Variants in PHKG2 observed in about 807,000 individuals in gnomAD.
The protein encoded by PHKG2 is phosphorylase b kinase gamma catalytic chain, liver/testis isoform.
Under a neutral mutation model 44.5 loss-of-function variants are expected in PHKG2, and 28 were observed. That is an observed-to-expected ratio of 0.63 (90% CI 0.47 to 0.86). The LOEUF is 0.86. PHKG2 is among the 40% of genes least tolerant of loss of function. The pLI, the probability that PHKG2 is intolerant of heterozygous loss-of-function variation, is 0.00. For synonymous variants in PHKG2, 220 were observed against 211.2 expected (o/e 1.04, Z -0.36); for missense variants, 498 against 547.5 (o/e 0.91, Z 0.90).
In PHKG2 at chr16:30,756,429, G is replaced by C; in HGVS notation, c.710G>C (p.Arg237Pro). The C allele has an allele frequency of 1.2e-6, 2 of 1,613,914 alleles. No homozygotes were observed. The highest frequency in any genetic ancestry group is 1.7e-6 in the Non-Finnish European group (2 of 1,180,016). ...LAGSPPFWHR[R>P]QILMLRMIME... The stretch of plus-strand genomic sequence containing the variant: ...GGCTCGCCACCCTTCTGGCACCGGC[G>C]GCAGATCCTGATGTTACGCATGATC... Residue 237 changes from arginine to proline, a missense_variant, in exon 8 of 10, where the codon CGG (arginine) becomes CCG (proline). Arg to Pro is a moderately radical substitution (Grantham distance 103). Coordinates refer to ENST00000563588, the MANE Select transcript of PHKG2 (RefSeq NM_000294.3).
At chr16:30,754,123 T>A (rs2053385838) in intron 6 of PHKG2, among the ~76,000 whole-genome samples, 1 of 152,132 alleles carries the variant, frequency 6.6e-6, no homozygotes, top group Non-Finnish European at 1.5e-5. Flanking sequence ...TACCGTTTAC[T>A]GGGCATTCAC....
At position 30,760,501 on chromosome 16, in the gene PHKG2, C is replaced by T. The variant is rs1471147221; in HGVS notation, c.*3404C>T. On this transcript the variant is annotated 3_prime_UTR_variant, in exon 10 of 10. Coordinates refer to ENST00000563588, the MANE Select transcript of PHKG2 (RefSeq NM_000294.3). ...GTGACAACTGGGCCTCCTTTCATCACCCTACACCCACCACATGCTTTGGAG... is the reference window on the plus strand; with the variant it reads ...GTGACAACTGGGCCTCCTTTCATCATCCTACACCCACCACATGCTTTGGAG... The T allele has an allele frequency of 6.2e-7, 1 of 1,612,246 alleles. No individual in the cohort carries two copies. Among genetic ancestry groups the T allele is most frequent in the Non-Finnish European group, 8.5e-7 (1 of 1,179,008 alleles).
intron 2 of PHKG2, among the ~76,000 whole-genome samples, chr16:30,749,243 CTGGTGCTGGTGGTGCTGGTGGTGGTGG>C (rs1567259854): frequency 1.8e-5 from 2 of 109,882 alleles, no homozygotes; most frequent in Non-Finnish European, 3.7e-5. Flanking sequence ...GGTGGTGGTG[CTGGTGCTGGTGGTGCTGGTGGTGGTGG>C]TGTGTGTGTC....
In PHKG2 at chr16:30,757,890, T is replaced by G. The variant is rs2053485859; in HGVS notation, c.*793T>G. ...ATCCCTACTCAGTAGCTGTGTGACC[T>G]TAGGCAGGTTATTTAACCTATCTGT... On this transcript the variant is annotated 3_prime_UTR_variant, in exon 10 of 10. Coordinates refer to ENST00000563588, the MANE Select transcript of PHKG2 (RefSeq NM_000294.3). 1 of 1,197,174 alleles carries G rather than the reference T, an allele frequency of 8.4e-7. No homozygotes were observed. The highest frequency in any genetic ancestry group is 1.1e-6 in the Non-Finnish European group (1 of 916,598). 74.2% of individuals were successfully genotyped at this position (1,197,174 alleles called of 1,614,324 possible).
chr16:30,757,310 C>T lies in PHKG2; in HGVS notation c.*213C>T, dbSNP rs1325325287. The T allele has an allele frequency of 1.2e-5, 19 of 1,534,838 alleles. No homozygotes were observed. Among genetic ancestry groups the T allele is most frequent in the Middle Eastern group, 2.2e-4 (1 of 4,578 alleles). ...GCCATTCTGAACGCCACGCCTGGCC[C>T]GGTCAGTGCTGCATGCACTGCATAT... On this transcript the variant is annotated 3_prime_UTR_variant, in exon 10 of 10. Coordinates refer to ENST00000563588, the MANE Select transcript of PHKG2 (RefSeq NM_000294.3).
chr16:30,748,986 C>T, intron 2 of PHKG2, 71 bp downstream of exon 2: 1 of 765,280 alleles, frequency 1.3e-6, no homozygotes, highest in South Asian at 1.4e-5. Context: ...CGTTTGAAGG[C>T]TGGAGAGTTC....
chr16:30,749,969 G>A (rs375241599), intron 2 of PHKG2, among the ~76,000 whole-genome samples: 4 of 152,120 alleles, frequency 2.6e-5, no homozygotes, highest in African/African-American at 9.7e-5. Flanking sequence ...GAGTTCAGGG[G>A]GGGGTCTTTA....
rs1262028193 is a variant in PHKG2 at position 30,759,273 on chromosome 16, G to A, written c.*2176G>A. ...CTGGGAAGCAAGGCAGAGGGAGGCTGAAAGGAGTGCACCTGTGCTGAGGGG... is the reference window on the plus strand; with the variant it reads ...CTGGGAAGCAAGGCAGAGGGAGGCTAAAAGGAGTGCACCTGTGCTGAGGGG... On this transcript the variant is annotated 3_prime_UTR_variant, in exon 10 of 10. Coordinates refer to ENST00000563588, the MANE Select transcript of PHKG2 (RefSeq NM_000294.3). The A allele has an allele frequency of 3.1e-6, 5 of 1,613,912 alleles. No individual in the cohort carries two copies. Among genetic ancestry groups the A allele is most frequent in the Non-Finnish European group, 1.7e-6 (2 of 1,179,916 alleles).
chr16:30,759,055 C>G lies in PHKG2; in HGVS notation c.*1958C>G, dbSNP rs765676123. ...GGGCCACTGTCTCTAGTTCCTCTTTCTGCGGGGTAACTGCCTGCTCCTCCA... is the reference window on the plus strand; with the variant it reads ...GGGCCACTGTCTCTAGTTCCTCTTTGTGCGGGGTAACTGCCTGCTCCTCCA... On this transcript the variant is annotated 3_prime_UTR_variant, in exon 10 of 10. Coordinates refer to ENST00000563588, the MANE Select transcript of PHKG2 (RefSeq NM_000294.3). 1.2e-6 allele frequency: 2 copies of G among 1,614,232 alleles called. No homozygotes were observed. The highest frequency in any genetic ancestry group is 1.7e-6 in the Non-Finnish European group (2 of 1,180,030).
At position 30,753,573 on chromosome 16, in the gene PHKG2, G is replaced by T. The variant is rs543453602; in HGVS notation, c.556+16G>T. 6.2e-7 allele frequency: 1 copy of T among 1,612,056 alleles called. No individual in the cohort carries two copies. Among genetic ancestry groups the T allele is most frequent in the East Asian group, 2.2e-5 (1 of 44,810 alleles). On this transcript the variant is annotated intron_variant, in intron 6 of 9. Coordinates refer to ENST00000563588, the MANE Select transcript of PHKG2 (RefSeq NM_000294.3). ...AAGCTTCGAGGTGAGGGGATCTAGT[G>T]CCCTAATAGGCTTGGGAGGGGAGAC...
intron 2 of PHKG2, among the ~76,000 whole-genome samples, chr16:30,749,139 C>CTGGTGGTGG (rs1414193475): frequency 5.3e-5 from 4 of 76,004 alleles, no homozygotes; most frequent in South Asian, 4.2e-4. Flanking sequence ...GGTGGTGGTG[C>CTGGTGGTGG]TGGTGCTGGT....
rs973232049 is a variant in PHKG2, at chr16:30,757,583, C to T, written c.*486C>T. ...TCGCTGGCCTTGAGCCGCTCCTCCA[C>T]CAGCCCCTGGAGCTGCTCCAGCTCT... On this transcript the variant is annotated 3_prime_UTR_variant, in exon 10 of 10. Coordinates refer to ENST00000563588, the MANE Select transcript of PHKG2 (RefSeq NM_000294.3). 5 of 1,614,198 alleles carry T rather than the reference C, an allele frequency of 3.1e-6. No individual in the cohort carries two copies. Among genetic ancestry groups the T allele is most frequent in the Middle Eastern group, 3.3e-4 (2 of 6,062 alleles).
chr16:30,753,359 G>A (rs201964148), intron 5 of PHKG2, 35 bp from the exon 6 acceptor site: 19 of 1,613,476 alleles, frequency 1.2e-5, no homozygotes, highest in East Asian at 1.1e-4. Flanking sequence ...GGGAGGAGCC[G>A]AGGAGGAGAC....
chr16:30,748,605 T>A (rs1596676679), intron 1 of PHKG2, 115 bp downstream of exon 1: 1 of 477,792 alleles, frequency 2.1e-6, no homozygotes, highest in Non-Finnish European at 3.8e-6. Flanking sequence ...ATCTCCCCAC[T>A]CCCCTCCCTG....
Position 30,751,163 on chromosome 16 carries a change from G to A in PHKG2, c.153G>A (p.Ala51=), listed in dbSNP as rs368095671. Reference sequence around the variant, plus strand: ...ATCGAGCTACTGGCCACGAGTTTGCGGTGAAGATTATGGAAGTGACAGCTG... The same window carrying A: ...ATCGAGCTACTGGCCACGAGTTTGCAGTGAAGATTATGGAAGTGACAGCTG... ...CVHRATGHEF[A]VKIMEVTAER... The change falls in exon 3 of 10, where the codon GCG becomes GCA. Residue 51 remains alanine, a synonymous_variant. Coordinates refer to ENST00000563588, the MANE Select transcript of PHKG2 (RefSeq NM_000294.3). 1.0e-4 allele frequency: 169 copies of A among 1,613,894 alleles called. No homozygotes were observed. Among genetic ancestry groups the A allele is most frequent in the South Asian group, 5.8e-4 (53 of 91,094 alleles).
chr16:30,760,630 T>C lies in PHKG2; in HGVS notation c.*3533T>C, dbSNP rs1276270653. 1.9e-6 allele frequency: 3 copies of C among 1,556,672 alleles called. No individual in the cohort carries two copies. Among genetic ancestry groups the C allele is most frequent in the African/African-American group, 2.7e-5 (2 of 73,266 alleles). ...CTCCCTCATCTCAGCATTGGTGGTC[T>C]TCTCCAGCTGGTGCATGGAATGGAC... On this transcript the variant is annotated 3_prime_UTR_variant, in exon 10 of 10. Transcript: ENST00000563588.
intron 6 of PHKG2, 86 bp from the exon 7 acceptor site, chr16:30,756,096 C>T (rs982626023): frequency 8.1e-6 from 8 of 989,856 alleles, no homozygotes; most frequent in African/African-American, 3.2e-5. Context: ...GTCCTGGCAG[C>T]GTTGAGGAGG....
rs1391004416 is a variant in PHKG2, at chr16:30,758,319, C to T, written c.*1222C>T. On this transcript the variant is annotated 3_prime_UTR_variant, in exon 10 of 10. Coordinates refer to ENST00000563588, the MANE Select transcript of PHKG2 (RefSeq NM_000294.3). ...ATCTCCTGACCTCGTGATCCGCCTG[C>T]CTCAGCCTCCCAAAGTGCTGGGATT... 6.5e-6 allele frequency: 1 copy of T among 153,112 alleles called. No homozygotes were observed. Among genetic ancestry groups the T allele is most frequent in the African/African-American group, 2.4e-5 (1 of 41,432 alleles). 9.5% of individuals were successfully genotyped at this position (153,112 alleles called of 1,614,324 possible). A position where few individuals can be genotyped will look rare whatever the true frequency, so the allele number is the denominator to read the frequency against.
chr16:30,755,864 G>A (rs879795896), intron 6 of PHKG2, among the ~76,000 whole-genome samples: 2 of 152,066 alleles, frequency 1.3e-5, no homozygotes, highest in Non-Finnish European at 2.9e-5. Context: ...ATAAAACTAA[G>A]GTAACAAGTT....
Sources: gnomAD v4.1 joint callset for allele counts (sites outside exome capture counted in the v4.1 genomes callset) on GRCh38, gnomAD v4.1.1 for gene constraint, MANE v1.5 for transcripts, NCBI Gene and HGNC (gene_info 2026-07-23, HGNC 2026-07-21) for gene names.